Variants in MINK1 observed in about 807,000 individuals in gnomAD.
MINK1 encodes the protein misshapen-like kinase 1.
MINK1 carries 46 observed loss-of-function variants against 178.4 expected under a neutral mutation model. The ratio of observed to expected loss-of-function variants is 0.26; its 90% CI spans 0.20 to 0.33. The LOEUF (loss-of-function observed/expected upper bound fraction) is 0.33, where lower values mean the gene tolerates loss of function less well. MINK1 is among the 10% of genes least tolerant of loss of function. The pLI is 1.00. For synonymous variants in MINK1, 797 were observed against 709.7 expected (o/e 1.12, Z -1.96); for missense variants, 1,366 against 1,814.9 (o/e 0.75, Z 4.49).
intron 1 of MINK1, among the ~76,000 whole-genome samples, chr17:4,876,625 A>G (rs1356220843): frequency 6.6e-6 from 1 of 152,118 alleles, no homozygotes; most frequent in African/African-American, 2.4e-5. Flanking sequence ...TTAGCTTTCA[A>G]AATCAAGGAG....
chr17:4,844,429 G>A, intron 1 of MINK1: 2 of 431,740 alleles, frequency 4.6e-6, no homozygotes, highest in Admixed American at 2.9e-5. Flanking sequence ...TTGGAATATG[G>A]CCTGTTTCAT....
rs1371968054 is a variant in MINK1 at position 4,839,260 on chromosome 17, CTG to C, written c.57+5622_57+5623del. 2.6e-5 allele frequency among the ~76,000 whole-genome samples: 4 copies of C among 152,144 alleles called. No individual in the cohort carries two copies. In the East Asian group the frequency reaches 5.8e-4, roughly 22 times the overall value. On this transcript the variant is annotated intron_variant, in intron 1 of 31. Coordinates refer to ENST00000355280, the MANE Select transcript of MINK1 (RefSeq NM_153827.5). ...GCCCGGCCTAGACTCTTTTTCTTAACTGTTACTGTTTTCCTCAATATCCTGCA... is the reference window on the plus strand; with the variant it reads ...GCCCGGCCTAGACTCTTTTTCTTAACTTACTGTTTTCCTCAATATCCTGCA...
chr17:4,868,830 G>A (rs765166916), intron 1 of MINK1: 1 of 343,016 alleles, frequency 2.9e-6, no homozygotes, highest in Admixed American at 3.2e-5. Flanking sequence ...ACTGCATGCA[G>A]CCTCAACCTC....
rs755553446 is a variant in MINK1 at position 4,893,482 on chromosome 17, C to T, written c.2449C>T (p.Pro817Ser). 6.3e-7 allele frequency: 1 copy of T among 1,597,228 alleles called. No homozygotes were observed. Among genetic ancestry groups the T allele is most frequent in the Non-Finnish European group, 8.6e-7 (1 of 1,167,002 alleles). Residue 817 changes from proline to serine, a missense_variant, in exon 21 of 32, where the codon CCC becomes TCC. Coordinates refer to ENST00000355280, the MANE Select transcript of MINK1 (RefSeq NM_153827.5). ...ERTLDEAPRP[P>S]KKAMDYSSSS... is the part of the protein sequence containing the mutation. ...GACTCTGGACGAGGCCCCTCGGCCT[C>T]CCAAGAAGGCCATGGACTACTCGTC...
At chr17:4,859,677 A>G (rs1913801844) in intron 1 of MINK1, among the ~76,000 whole-genome samples, 1 of 150,628 alleles carries the variant, frequency 6.6e-6, no homozygotes, top group South Asian at 2.1e-4. Flanking sequence ...AATCCCAGCT[A>G]CCTGGGAGGC....
At chr17:4,869,194 G>A (rs895924594) in intron 1 of MINK1, among the ~76,000 whole-genome samples, 2 of 149,486 alleles carry the variant, frequency 1.3e-5, no homozygotes, top group Non-Finnish European at 3.0e-5. Context: ...AAAGTGCTGG[G>A]ATTACAGATG....
Position 4,896,322 on chromosome 17 carries a change from G to A in MINK1, c.3595G>A (p.Asp1199Asn), listed in dbSNP as rs1969462470. 3 of 1,599,806 alleles carry A rather than the reference G, an allele frequency of 1.9e-6. No homozygotes were observed. Among genetic ancestry groups the A allele is most frequent in the South Asian group, 1.1e-5 (1 of 88,026 alleles). Residue 1199 changes from aspartate (D) to asparagine (N), a missense_variant, in exon 29 of 32, where the codon GAC becomes AAC. By Grantham distance (23) the Asp-to-Asn change is conservative. This residue lies in a region of MINK1 where 201 missense variants were observed against 240.7 expected (regional missense o/e 0.84). Coordinates refer to ENST00000355280, the MANE Select transcript of MINK1 (RefSeq NM_153827.5). This position sits in a 1 kb window ranked among gnomAD's most constrained non-coding sequence, Gnocchi z 4.6. Reference sequence around the variant, plus strand: ...GGATGTCGACTCGGGGAACAGCTATGACATCTACATCCCTGTGCACGTGAG... The same window carrying A: ...GGATGTCGACTCGGGGAACAGCTATAACATCTACATCCCTGTGCACGTGAG... The part of the protein sequence containing the change: ...AVDVDSGNSY[D>N]IYIPVHIQSQ...
Position 4,891,138 on chromosome 17 carries a change from C to A in MINK1, c.1740+14C>A. 2.7e-6 allele frequency: 4 copies of A among 1,500,326 alleles called. No individual in the cohort carries two copies. Among genetic ancestry groups the A allele is most frequent in the African/African-American group, 1.4e-5 (1 of 71,154 alleles). The allele number at this position is 1,500,326 out of a possible 1,614,324, so 92.9% of individuals were successfully genotyped here. A position where few individuals can be genotyped will look rare whatever the true frequency, so the allele number is the denominator to read the frequency against. ...GGACCGCACAAGGTGAGTCTCTCCC[C>A]ACCCCTGTCTTAATGAAGACACAGG... On this transcript the variant is annotated intron_variant, in intron 15 of 31. Coordinates refer to ENST00000355280, the MANE Select transcript of MINK1 (RefSeq NM_153827.5).
intron 15 of MINK1, 82 bp downstream of exon 15, chr17:4,891,206 A>ACACACACACG: frequency 2.1e-6 from 1 of 466,938 alleles, no homozygotes; most frequent in Non-Finnish European, 3.6e-6. Context: ...GCGCGCACAC[A>ACACACACACG]CACACACACA....
At chr17:4,841,993 G>A (rs893175546) in intron 1 of MINK1, among the ~76,000 whole-genome samples, 33 of 151,976 alleles carry the variant, frequency 2.2e-4, no homozygotes, top group African/African-American at 7.5e-4. Context: ...AGGCCGAGGC[G>A]GGCGGATCAC....
chr17:4,854,230 C>T (rs1912661794), intron 1 of MINK1, among the ~76,000 whole-genome samples: 1 of 152,146 alleles, frequency 6.6e-6, no homozygotes. Context: ...CACTCCCTCC[C>T]CCACCACCTG....
chr17:4,839,239 G>C (rs1300804760), intron 1 of MINK1, among the ~76,000 whole-genome samples: 1 of 152,096 alleles, frequency 6.6e-6, no homozygotes, highest in Admixed American at 6.5e-5. Context: ...CACCGTGCCC[G>C]GCCTAGACTC....
Position 4,878,364 on chromosome 17 carries a change from C to G in MINK1, c.105C>G (p.Thr35=). ...TTGTGGAGGTGGTCGGCAATGGAAC[C>G]TACGGACAGGTGTACAAGGTGAGAC... ...FELVEVVGNG[T]YGQVYKGRHV... is the part of the protein sequence containing the mutation. Residue 35 remains threonine (T), a synonymous_variant, in exon 2 of 32, where the codon ACC becomes ACG. Transcript: ENST00000355280. The G allele has an allele frequency of 2.0e-6, 3 of 1,537,388 alleles. No homozygotes were observed. The highest frequency in any genetic ancestry group is 1.2e-5 in the South Asian group (1 of 84,086).
At chr17:4,846,495 C>T (rs2150776152) in intron 1 of MINK1, among the ~76,000 whole-genome samples, 1 of 152,274 alleles carries the variant, frequency 6.6e-6, no homozygotes, top group South Asian at 2.1e-4. Flanking sequence ...TCAGTCTACC[C>T]CACCCTAATG....
chr17:4,848,461 T>C (rs1911382822), intron 1 of MINK1, among the ~76,000 whole-genome samples: 1 of 152,146 alleles, frequency 6.6e-6, no homozygotes, highest in Non-Finnish European at 1.5e-5. Flanking sequence ...GCCAGGTTCA[T>C]GCCATTCTCC....
At chr17:4,892,057 G>A (rs1968876877) in intron 16 of MINK1, 92 bp from the exon 17 acceptor site, 1 of 1,057,342 alleles carries the variant, frequency 9.5e-7, no homozygotes, top group East Asian at 2.6e-5. Flanking sequence ...ATCCATCAAA[G>A]TGGGGGAGCT....
chr17:4,887,232 A>AC lies in MINK1; in HGVS notation c.1019+54dup. On this transcript the variant is annotated intron_variant, in intron 11 of 31. Transcript: ENST00000355280. The surrounding 1 kb of genome is among the most constrained non-coding windows in gnomAD (Gnocchi z 7.6). ...GGGGCGGTCATCGCTGAGTGGGGGG[A>AC]CTACAGTGGTGCTTGGCTTTGGGGA... The AC allele has an allele frequency of 6.6e-7, 1 of 1,514,650 alleles. No individual in the cohort carries two copies. The highest frequency in any genetic ancestry group is 9.0e-7 in the Non-Finnish European group (1 of 1,111,980). The allele number at this position is 1,514,650 out of a possible 1,614,324, so 93.8% of individuals were successfully genotyped here.
Position 4,851,953 on chromosome 17 carries a change from T to C in MINK1, c.57+18313T>C, listed in dbSNP as rs543174108. Reference sequence around the variant, plus strand: ...AGGCAGAGGATGCGGTGAGCTGAGATCACCCCACTGCACTCCAGCCTGGGC... The same window carrying C: ...AGGCAGAGGATGCGGTGAGCTGAGACCACCCCACTGCACTCCAGCCTGGGC... On this transcript the variant is annotated intron_variant, in intron 1 of 31. Coordinates refer to ENST00000355280, the MANE Select transcript of MINK1 (RefSeq NM_153827.5). Among the ~76,000 whole-genome samples the C allele has an allele frequency of 1.1e-4, 14 of 123,562 alleles. No individual in the cohort carries two copies. The East Asian group carries it at 3.8e-3, about 33-fold the overall frequency. The allele number at this position is 123,562 out of a possible 152,430, so 81.1% of individuals were successfully genotyped here.
At position 4,889,803 on chromosome 17, in the gene MINK1, C is replaced by T. The variant is rs144372454; in HGVS notation, c.1347+40C>T. Reference sequence around the variant, plus strand: ...CCGCATCCCTGCCCTCCCGCCCTCCCGCTCCTGCTGCCTGCCGCCCCTGCT... The same window carrying T: ...CCGCATCCCTGCCCTCCCGCCCTCCTGCTCCTGCTGCCTGCCGCCCCTGCT... On this transcript the variant is annotated intron_variant, in intron 13 of 31. Coordinates refer to ENST00000355280, the MANE Select transcript of MINK1 (RefSeq NM_153827.5). The T allele has an allele frequency of 1.4e-3, 2,058 of 1,430,760 alleles. 24 individuals are homozygous for T. In the African/African-American group the frequency reaches 0.023, roughly 16 times the overall value. The allele number at this position is 1,430,760 out of a possible 1,614,324, so 88.6% of individuals were successfully genotyped here.
Sources: gnomAD v4.1 joint callset for allele counts (sites outside exome capture counted in the v4.1 genomes callset) on GRCh38, gnomAD v4.1.1 for gene constraint, gnomAD v4.1.1 regional missense constraint, Gnocchi (gnomAD v3.1) non-coding constraint, MANE v1.5 for transcripts, NCBI Gene and HGNC (gene_info 2026-07-23, HGNC 2026-07-21) for gene names.